Variants in GABRB3 observed in about 807,000 individuals in gnomAD.
The protein encoded by GABRB3 is gamma-aminobutyric acid type A receptor subunit beta3.
A neutral mutation model predicts 52.1 loss-of-function variants in GABRB3; 14 were observed. The ratio of observed to expected loss-of-function variants is 0.27; its 90% CI spans 0.18 to 0.42. GABRB3 has a LOEUF of 0.42. Among genes scored for constraint, GABRB3 ranks in the 10% least tolerant of loss-of-function variants. GABRB3 has a pLI of 1.00. For synonymous variants in GABRB3, 260 were observed against 232.3 expected (o/e 1.12, Z -1.08); for missense variants, 307 against 609.1 (o/e 0.50, Z 5.22).
chr15:26,709,979 A>G (rs1183983683), intron 3 of GABRB3, among the ~76,000 whole-genome samples: 2 of 152,190 alleles, frequency 1.3e-5, no homozygotes, highest in African/African-American at 4.8e-5. Context: ...CCAGGCAAGT[A>G]CTGATCTACT....
intron 3 of GABRB3, among the ~76,000 whole-genome samples, chr15:26,663,753 A>C (rs1887620689): frequency 6.6e-6 from 1 of 152,110 alleles, no homozygotes; most frequent in Non-Finnish European, 1.5e-5. Context: ...AAGCCTGCCA[A>C]TTTATTTCTT....
intron 3 of GABRB3, among the ~76,000 whole-genome samples, chr15:26,710,864 G>C (rs766413985): frequency 6.7e-6 from 1 of 149,170 alleles, no homozygotes; most frequent in Non-Finnish European, 1.5e-5. Context: ...TTAGTGGGTT[G>C]TCTTTTCATT....
chr15:26,739,211 G>A (rs375267913), intron 3 of GABRB3, among the ~76,000 whole-genome samples: 42 of 152,046 alleles, frequency 2.8e-4, no homozygotes, highest in South Asian at 1.2e-3. Flanking sequence ...CCACTTGGCC[G>A]TCCTACATCA....
At chr15:26,740,680 G>T (rs976471947) in intron 3 of GABRB3, among the ~76,000 whole-genome samples, 4 of 152,128 alleles carry the variant, frequency 2.6e-5, no homozygotes, top group African/African-American at 9.7e-5. Context: ...ATCCTCACAG[G>T]ACTTTTCCTA....
At chr15:26,617,432 G>A (rs977325854) in intron 4 of GABRB3, among the ~76,000 whole-genome samples, 6 of 152,182 alleles carry the variant, frequency 3.9e-5, no homozygotes, top group Admixed American at 6.5e-5. Context: ...TATCTCAATA[G>A]ATGCAGAAAA....
At chr15:26,590,254 T>C (rs1891145520) in intron 4 of GABRB3, 1 of 152,078 alleles carries the variant, frequency 6.6e-6, no homozygotes, top group Non-Finnish European at 1.5e-5. Flanking sequence ...CACAATCTTG[T>C]TAAGCTAGCA....
At chr15:26,643,207 C>G (rs534442327) in intron 3 of GABRB3, among the ~76,000 whole-genome samples, 1 of 152,168 alleles carries the variant, frequency 6.6e-6, no homozygotes, top group Non-Finnish European at 1.5e-5. Context: ...GACAGTTCAC[C>G]GAGGAGCTGT....
At chr15:26,702,379 G>A (rs1888966174) in intron 3 of GABRB3, among the ~76,000 whole-genome samples, 1 of 152,134 alleles carries the variant, frequency 6.6e-6, no homozygotes, top group Admixed American at 6.5e-5. Flanking sequence ...TCAACAATAA[G>A]GAAATAAACA....
At chr15:26,727,192 A>G (rs1338874485) in intron 3 of GABRB3, among the ~76,000 whole-genome samples, 4 of 152,136 alleles carry the variant, frequency 2.6e-5, no homozygotes, top group Non-Finnish European at 4.4e-5. Context: ...CAGTTTTAGC[A>G]TGTACTAATG....
chr15:26,767,277 T>A (rs1891023341), intron 3 of GABRB3: 1 of 152,290 alleles, frequency 6.6e-6, no homozygotes, highest in East Asian at 1.9e-4. Flanking sequence ...TTCTGCTGAG[T>A]CATCCCCCAG....
At chr15:26,649,523 A>C (rs890744141) in intron 3 of GABRB3, among the ~76,000 whole-genome samples, 1 of 152,214 alleles carries the variant, frequency 6.6e-6, no homozygotes, top group Non-Finnish European at 1.5e-5. Context: ...GCAGGAATGG[A>C]CTAAGACAGG....
chr15:26,584,399 C>T (rs938456300), intron 4 of GABRB3, among the ~76,000 whole-genome samples: 3 of 152,160 alleles, frequency 2.0e-5, no homozygotes, highest in African/African-American at 7.2e-5. Context: ...TACAGATACA[C>T]TTTGGAACTC....
At chr15:26,650,595 G>A (rs940380654) in intron 3 of GABRB3, among the ~76,000 whole-genome samples, 4 of 152,038 alleles carry the variant, frequency 2.6e-5, no homozygotes, top group African/African-American at 9.7e-5. Flanking sequence ...AAGCCTGGAA[G>A]CTAAATTTAA....
At chr15:26,605,371 A>C (rs1446789350) in intron 4 of GABRB3, among the ~76,000 whole-genome samples, 1 of 152,178 alleles carries the variant, frequency 6.6e-6, no homozygotes, top group South Asian at 2.1e-4. Context: ...CAAAAAACTA[A>C]AAATAGATCT....
chr15:26,652,346 C>T (rs961237573), intron 3 of GABRB3, among the ~76,000 whole-genome samples: 1 of 152,162 alleles, frequency 6.6e-6, no homozygotes, highest in African/African-American at 2.4e-5. Context: ...TTAACGGCCT[C>T]AGGAGCTCTT....
chr15:26,699,004 C>A (rs1196320379), intron 3 of GABRB3, among the ~76,000 whole-genome samples: 2 of 151,838 alleles, frequency 1.3e-5, no homozygotes, highest in African/African-American at 4.8e-5. Flanking sequence ...GAAAAAGGAA[C>A]GTCATTCATA....
chr15:26,548,352 G>A (rs888659595), intron 8 of GABRB3, among the ~76,000 whole-genome samples: 1 of 152,160 alleles, frequency 6.6e-6, no homozygotes, highest in African/African-American at 2.4e-5. Flanking sequence ...GCTCATGTAA[G>A]AGATTAGATG....
intron 3 of GABRB3, among the ~76,000 whole-genome samples, chr15:26,710,634 T>C (rs1889262281): frequency 6.6e-6 from 1 of 152,164 alleles, no homozygotes; most frequent in African/African-American, 2.4e-5. Context: ...CTTCAAATAG[T>C]TTTCCAGAGT....
chr15:26,744,167 C>T (rs987818451), intron 3 of GABRB3, among the ~76,000 whole-genome samples: 1 of 152,166 alleles, frequency 6.6e-6, no homozygotes, highest in Admixed American at 6.5e-5. Context: ...GCACAATCTA[C>T]ATGCTCTTAT....
Sources: allele counts gnomAD v4.1 joint callset (sites outside exome capture counted in the v4.1 genomes callset), GRCh38; gene constraint gnomAD v4.1.1; transcripts MANE v1.5; gene names NCBI Gene and HGNC (gene_info 2026-07-23, HGNC 2026-07-21).